LRRIQ1: variants seen among roughly 807,000 people sequenced by gnomAD.
LRRIQ1 encodes leucine rich repeats and IQ motif containing 1, also known as leucine-rich repeat- and IQ domain-containing protein 1.
Under a neutral mutation model 211.9 loss-of-function variants are expected in LRRIQ1, and 210 were observed. The ratio of observed to expected loss-of-function variants is 0.99; its 90% CI spans 0.89 to 1.11. The LOEUF (loss-of-function observed/expected upper bound fraction) is 1.11, where lower values mean the gene tolerates loss of function less well. Among genes scored for constraint, LRRIQ1 ranks in the 50% most tolerant of loss-of-function variants. The pLI is 0.00. For synonymous variants in LRRIQ1, 699 were observed against 650.1 expected (o/e 1.08, Z -1.14); for missense variants, 2,136 against 1,939.5 (o/e 1.10, Z -1.90).
At chr12:85,120,826 CT>C (rs1174593457) in intron 15 of LRRIQ1, among the ~76,000 whole-genome samples, 3 of 152,188 alleles carry the variant, frequency 2.0e-5, no homozygotes, top group Non-Finnish European at 2.9e-5. Context: ...GAAAAGAGAC[CT>C]ACACTCTCTC....
intron 24 of LRRIQ1, among the ~76,000 whole-genome samples, chr12:85,176,179 C>T (rs1265409281): frequency 6.6e-6 from 1 of 152,018 alleles, no homozygotes; most frequent in African/African-American, 2.4e-5. Context: ...TCTTTTATTT[C>T]CATGAGCAGT....
chr12:85,067,497 T>C (rs1882566384), intron 10 of LRRIQ1, among the ~76,000 whole-genome samples: 1 of 151,910 alleles, frequency 6.6e-6, no homozygotes, highest in African/African-American at 2.4e-5. Flanking sequence ...TCCTTTTATT[T>C]TTTGTTTTAG....
intron 11 of LRRIQ1, among the ~76,000 whole-genome samples, chr12:85,085,986 C>G (rs1431898051): frequency 3.3e-5 from 5 of 152,072 alleles, no homozygotes; most frequent in African/African-American, 1.2e-4. Context: ...AATGGTAGTT[C>G]TAATTTCTTT....
chr12:85,245,867 TTACATATA>T (rs1895694015), downstream of LRRIQ1, among the ~76,000 whole-genome samples: 1 of 150,858 alleles, frequency 6.6e-6, no homozygotes, highest in African/African-American at 2.4e-5. Context: ...GGTATTATAG[TTACATATA>T]TACATATATA....
At chr12:85,258,537 C>T (rs1447960965) in intron 1 of LRRIQ1, among the ~76,000 whole-genome samples, 1 of 151,826 alleles carries the variant, frequency 6.6e-6, no homozygotes, top group Non-Finnish European at 1.5e-5. Context: ...TTAAAGTTCA[C>T]TATAAATGAT....
rs377638777 is a variant in LRRIQ1, at chr12:85,065,417, A to G, written c.2544+3A>G. On this transcript the variant is annotated splice_donor_region_variant and intron_variant, in intron 9 of 26. Coordinates refer to ENST00000393217, the MANE Select transcript of LRRIQ1 (RefSeq NM_001079910.2). ...AACTTAAGTACATTGATGCACAGGT[A>G]TGCTCTCTGCCCTACTGTTATTTAT... The G allele has an allele frequency of 4.4e-6, 7 of 1,598,982 alleles. No homozygotes were observed. The highest frequency in any genetic ancestry group is 6.0e-6 in the Non-Finnish European group (7 of 1,171,262).
chr12:85,248,753 C>T (rs1324222011), downstream of LRRIQ1, among the ~76,000 whole-genome samples: 4 of 151,578 alleles, frequency 2.6e-5, no homozygotes, highest in African/African-American at 7.3e-5. Context: ...AGGCACTATT[C>T]GTGATTTGTG....
In LRRIQ1 at chr12:85,036,399, T is replaced by C. The variant is rs955855510; in HGVS notation, c.-33T>C. The C allele has an allele frequency of 2.0e-5, 3 of 152,226 alleles. No homozygotes were observed. Among genetic ancestry groups the C allele is most frequent in the Non-Finnish European group, 4.4e-5 (3 of 68,116 alleles). The allele number at this position is 152,226 out of a possible 1,614,324, so 9.4% of individuals were successfully genotyped here. ...TTACAACAAAGCCAAGGAATCTCGC[T>C]GCTGAGGGGTGAGCCGGGGTCTTAA... On this transcript the variant is annotated 5_prime_UTR_variant, in exon 1 of 27. Coordinates refer to ENST00000393217, the MANE Select transcript of LRRIQ1 (RefSeq NM_001079910.2).
At chr12:85,221,664 G>T (rs139530232) in intron 24 of LRRIQ1, among the ~76,000 whole-genome samples, 79 of 152,262 alleles carry the variant, frequency 5.2e-4, no homozygotes, top group African/African-American at 1.9e-3. Flanking sequence ...AAGCATAGAA[G>T]ACAGTATGGG....
intron 24 of LRRIQ1, among the ~76,000 whole-genome samples, chr12:85,167,246 TAGTC>T (rs1209530665): frequency 3.9e-5 from 6 of 152,216 alleles, no homozygotes; most frequent in Non-Finnish European, 8.8e-5. Context: ...TATGTATTAT[TAGTC>T]AGGGTTCTCT....
chr12:85,237,453 A>G (rs1347060841), intron 26 of LRRIQ1, among the ~76,000 whole-genome samples: 1 of 152,006 alleles, frequency 6.6e-6, no homozygotes, highest in Non-Finnish European at 1.5e-5. Context: ...GTGTTGCAAA[A>G]ATTGGTATAG....
intron 11 of LRRIQ1, among the ~76,000 whole-genome samples, chr12:85,075,068 A>T (rs1883490951): frequency 6.6e-6 from 1 of 150,926 alleles, no homozygotes; most frequent in African/African-American, 2.5e-5. Context: ...ACAGTAATAG[A>T]TAGCTTTCTT....
intron 24 of LRRIQ1, among the ~76,000 whole-genome samples, chr12:85,228,160 A>G (rs1172330063): frequency 1.3e-5 from 2 of 152,240 alleles, no homozygotes; most frequent in Admixed American, 1.3e-4. Flanking sequence ...ACAAAAGCCA[A>G]AATTGACCAA....
chr12:85,149,190 A>G (rs1442256628), intron 19 of LRRIQ1, among the ~76,000 whole-genome samples: 3 of 152,004 alleles, frequency 2.0e-5, no homozygotes, highest in South Asian at 4.1e-4. Flanking sequence ...TTTTATTGCA[A>G]TTGCTTTTGG....
intron 24 of LRRIQ1, among the ~76,000 whole-genome samples, chr12:85,176,422 A>T (rs1891702583): frequency 1.3e-5 from 2 of 151,746 alleles, no homozygotes. Context: ...ATAAAAAATG[A>T]TGAGTTCATG....
rs1276902766 is a variant in LRRIQ1 at position 85,217,544 on chromosome 12, GTGTGTGTA to G, written c.4823-11971_4823-11964del. 9.2e-3 allele frequency among the ~76,000 whole-genome samples: 976 copies of G among 106,488 alleles called. 7 individuals are homozygous for G. The highest frequency in any genetic ancestry group is 0.012 in the Non-Finnish European group (689 of 57,424). The allele number at this position is 106,488 out of a possible 152,430, so 69.9% of individuals were successfully genotyped here. A position where few individuals can be genotyped will look rare whatever the true frequency, so the allele number is the denominator to read the frequency against. On this transcript the variant is annotated intron_variant, in intron 24 of 26. Transcript: ENST00000393217. Reference sequence around the variant, plus strand: ...TGTGTGTGTGTGTGTGTGTGTGTGTGTGTGTGTATATAGGTATATATATGTGTGTATAC... The same window carrying G: ...TGTGTGTGTGTGTGTGTGTGTGTGTGTATAGGTATATATATGTGTGTATAC...
chr12:85,045,403 A>G (rs1449819526), intron 4 of LRRIQ1, among the ~76,000 whole-genome samples: 1 of 151,866 alleles, frequency 6.6e-6, no homozygotes, highest in East Asian at 1.9e-4. Context: ...TGTGTTTAAC[A>G]TAATTTGAAA....
At chr12:85,244,243 T>G (rs900020998) in intron 26 of LRRIQ1, among the ~76,000 whole-genome samples, 35 of 151,524 alleles carry the variant, frequency 2.3e-4, no homozygotes, top group African/African-American at 8.5e-4. Flanking sequence ...TATATATTTA[T>G]AATTATCCCA....
intron 8 of LRRIQ1, among the ~76,000 whole-genome samples, chr12:85,061,687 AAAT>A (rs1881823693): frequency 6.6e-6 from 1 of 151,798 alleles, no homozygotes; most frequent in East Asian, 1.9e-4. Flanking sequence ...GCTCAATTCT[AAAT>A]AATGTTTTCA....
Sources: gnomAD v4.1 joint callset for allele counts (sites outside exome capture counted in the v4.1 genomes callset) on GRCh38, gnomAD v4.1.1 for gene constraint, MANE v1.5 for transcripts, NCBI Gene and HGNC (gene_info 2026-07-23, HGNC 2026-07-21) for gene names.